The following GAA variants were observed in gnomAD, a reference collection of about 807,000 sequenced individuals.
The protein encoded by GAA is lysosomal alpha-glucosidase.
GAA carries 88 observed loss-of-function variants against 103.9 expected under a neutral mutation model. The ratio of observed to expected loss-of-function variants is 0.85; its 90% CI spans 0.71 to 1.01. The LOEUF is 1.01. Among genes scored for constraint, GAA ranks in the 50% least tolerant of loss-of-function variants. The pLI is 0.00. For synonymous variants in GAA, 572 were observed against 563.1 expected, an observed-to-expected ratio of 1.02 and a Z score of -0.22; for missense variants, 1,350 against 1,305.3, an observed-to-expected ratio of 1.03 and a Z score of -0.53.
chr17:80,102,040 A>G (rs1164501725), intron 1 of GAA, 150 bp downstream of exon 1: 2 of 152,438 alleles, frequency 1.3e-5, no homozygotes, highest in African/African-American at 2.4e-5. Flanking sequence ...AGTTCAGCTT[A>G]GAGATGAACG....
Position 80,117,701 on chromosome 17 carries a change from G to A in GAA, c.2433G>A (p.Leu811=). Residue 811 remains leucine (L), a synonymous_variant, in exon 17 of 20, where the codon CTG becomes CTA. Coordinates refer to ENST00000302262, the MANE Select transcript of GAA (RefSeq NM_000152.5). ...AGTGGGTGACGCTGCCGGCCCCCCT[G>A]GACACCATCAACGTCCACCTCCGGG... The part of the protein sequence containing the change: ...EGQWVTLPAP[L]DTINVHLRAG... The A allele has an allele frequency of 1.2e-6, 2 of 1,612,342 alleles. No individual in the cohort carries two copies. The highest frequency in any genetic ancestry group is 1.7e-6 in the Non-Finnish European group (2 of 1,179,882).
chr17:80,112,277 T>A, intron 12 of GAA, 177 bp downstream of exon 12: 1 of 691,708 alleles, frequency 1.4e-6, no homozygotes, highest in Non-Finnish European at 2.5e-6. Flanking sequence ...GCTGGAGCGC[T>A]CCTTCCCACT....
chr17:80,115,466 T>C (rs745431591), intron 15 of GAA, among the ~76,000 whole-genome samples: 1 of 152,236 alleles, frequency 6.6e-6, no homozygotes, highest in Non-Finnish European at 1.5e-5. Flanking sequence ...TGGTGAGTCA[T>C]GTTCTCACAC....
At chr17:80,109,743 C>T (rs376520409) in intron 8 of GAA, among the ~76,000 whole-genome samples, 1 of 152,242 alleles carries the variant, frequency 6.6e-6, no homozygotes, top group Non-Finnish European at 1.5e-5. Flanking sequence ...GCGCGCCCCT[C>T]ATCAGCCAGC....
Position 80,104,470 on chromosome 17 carries a change from C to T in GAA, c.-32-85C>T, listed in dbSNP as rs185738827. 29 of 1,000,162 alleles carry T rather than the reference C, an allele frequency of 2.9e-5. No homozygotes were observed. Among genetic ancestry groups the T allele is most frequent in the African/African-American group, 1.6e-4 (10 of 61,900 alleles). The allele number at this position is 1,000,162 out of a possible 1,614,324, so 62.0% of individuals were successfully genotyped here. Reference sequence around the variant, plus strand: ...TGCCTGGGTGCTGCAGTGCCAGCCGCGGTTGATGTCTCAGAGCTGCTTTGA... The same window carrying T: ...TGCCTGGGTGCTGCAGTGCCAGCCGTGGTTGATGTCTCAGAGCTGCTTTGA... On this transcript the variant is annotated intron_variant, in intron 1 of 19. Transcript: ENST00000302262. The surrounding 1 kb of genome is among the most constrained non-coding windows in gnomAD (Gnocchi z 4.0).
Position 80,112,097 on chromosome 17 carries a change from A to C in GAA, c.1751A>C (p.His584Pro), listed in dbSNP as rs1348064281. The C allele has an allele frequency of 6.2e-7, 1 of 1,612,882 alleles. No individual in the cohort carries two copies. Among genetic ancestry groups the C allele is most frequent in the South Asian group, 1.1e-5 (1 of 91,052 alleles). The change falls in exon 12 of 20, where the codon CAC becomes CCC. Residue 584 changes from histidine to proline, a missense_variant. By Grantham distance (77) the His-to-Pro change is moderately conservative. Coordinates refer to ENST00000302262, the MANE Select transcript of GAA (RefSeq NM_000152.5). ...LYGLTEAIAS[H>P]RALVKARGTR... ...GGCCTGACCGAAGCCATCGCCTCCC[A>C]CAGGTGAGGGCCACGTCCCGCCCCA...
rs2039095707 is a variant in GAA, at chr17:80,106,631, T to C, written c.692+737T>C. 2.6e-5 allele frequency among the ~76,000 whole-genome samples: 4 copies of C among 152,182 alleles called. No individual in the cohort carries two copies. In the South Asian group the frequency reaches 8.3e-4, roughly 31 times the overall value. ...CCAAGAGAAGTTTCTCAAAGCATCT[T>C]ATCAAGCTAGGTATGGTGGTTCATG... On this transcript the variant is annotated intron_variant, in intron 3 of 19. Coordinates refer to ENST00000302262, the MANE Select transcript of GAA (RefSeq NM_000152.5).
chr17:80,110,892 C>T (rs1312905149), intron 10 of GAA, 49 bp from the exon 11 acceptor site: 1 of 1,613,040 alleles, frequency 6.2e-7, no homozygotes, highest in South Asian at 1.1e-5. Flanking sequence ...GACTACCCCA[C>T]CCTCCTCACT....
At chr17:80,118,461 A>G (rs1261615176) in intron 18 of GAA, 104 bp downstream of exon 18, 5 of 1,462,388 alleles carry the variant, frequency 3.4e-6, no homozygotes, top group Non-Finnish European at 4.7e-6. Flanking sequence ...ACCTGCCACT[A>G]GGACACTCTA....
rs187532717 is a variant in GAA at position 80,119,395 on chromosome 17, G to T, written c.*64G>T. Reference sequence around the variant, plus strand: ...TTCCCCAGGGAAGCAGAGCCTGTGTGCGGGCAGCAGCTGTGTGCGGGCCTG... The same window carrying T: ...TTCCCCAGGGAAGCAGAGCCTGTGTTCGGGCAGCAGCTGTGTGCGGGCCTG... On this transcript the variant is annotated 3_prime_UTR_variant, in exon 20 of 20. Coordinates refer to ENST00000302262, the MANE Select transcript of GAA (RefSeq NM_000152.5). 4.9e-4 allele frequency: 680 copies of T among 1,399,236 alleles called. 1 individual carries two copies. The highest frequency in any genetic ancestry group is 6.3e-4 in the Non-Finnish European group (621 of 985,018). The allele number at this position is 1,399,236 out of a possible 1,614,324, so 86.7% of individuals were successfully genotyped here. A position where few individuals can be genotyped will look rare whatever the true frequency, so the allele number is the denominator to read the frequency against.
intron 15 of GAA, among the ~76,000 whole-genome samples, chr17:80,113,608 G>A (rs1214000462): frequency 3.9e-5 from 6 of 152,252 alleles, no homozygotes; most frequent in Non-Finnish European, 7.3e-5. Flanking sequence ...TCAGTGTGTT[G>A]AGGGAGGATT....
chr17:80,112,653 C>A lies in GAA; in HGVS notation c.1830C>A (p.Ala610=). Residue 610 remains alanine, a synonymous_variant, in exon 13 of 20, where the codon GCC becomes GCA. Transcript: ENST00000302262. The part of the protein sequence containing the change: ...RSTFAGHGRY[A]GHWTGDVWSS... ...CCTTTGCTGGCCACGGCCGATACGCCGGCCACTGGACGGGGGACGTGTGGA... is the reference window on the plus strand; with the variant it reads ...CCTTTGCTGGCCACGGCCGATACGCAGGCCACTGGACGGGGGACGTGTGGA... The A allele has an allele frequency of 6.2e-7, 1 of 1,612,782 alleles. No homozygotes were observed. The highest frequency in any genetic ancestry group is 8.5e-7 in the Non-Finnish European group (1 of 1,179,892).
In GAA at chr17:80,107,567, A is replaced by ACGG; in HGVS notation, c.704_706dup (p.Thr235_Val236insAla). On this transcript the variant is annotated inframe_insertion, in exon 4 of 20. Transcript: ENST00000302262. Reference sequence around the variant, plus strand: ...GCCTCTGTCCCGCAGGCTGAACACGACGGTGGCGCCCCTGTTCTTTGCGGA... The same window carrying ACGG: ...GCCTCTGTCCCGCAGGCTGAACACGACGGCGGTGGCGCCCCTGTTCTTTGCGGA... The ACGG allele has an allele frequency of 6.2e-7, 1 of 1,612,982 alleles. No individual in the cohort carries two copies. Among genetic ancestry groups the ACGG allele is most frequent in the Admixed American group, 1.7e-5 (1 of 60,012 alleles).
At position 80,117,532 on chromosome 17, in the gene GAA, G is replaced by A. The variant is rs563429665; in HGVS notation, c.2332-68G>A. On this transcript the variant is annotated intron_variant, in intron 16 of 19. Coordinates refer to ENST00000302262, the MANE Select transcript of GAA (RefSeq NM_000152.5). ...CGTGGAGCCCCGGGAGATGGAGAGC[G>A]TGGTTCCTGAGGACAGCATGGGGGC... 1.5e-5 allele frequency: 23 copies of A among 1,575,552 alleles called. No individual in the cohort carries two copies. The Middle Eastern group carries it at 5.0e-4, about 34-fold the overall frequency.
At position 80,118,185 on chromosome 17, in the gene GAA, C is replaced by T. The variant is rs1407022252; in HGVS notation, c.2482-8C>T. The stretch of plus-strand genomic sequence containing the variant: ...GGATGATGACATCACGTGTCCTTCC[C>T]TTTCCAGGGCCCTGGCCTCACAACC... On this transcript the variant is annotated splice_region_variant and splice_polypyrimidine_tract_variant and intron_variant, in intron 17 of 19. Transcript: ENST00000302262. The T allele has an allele frequency of 1.2e-6, 2 of 1,612,866 alleles. No individual in the cohort carries two copies. Among genetic ancestry groups the T allele is most frequent in the East Asian group, 2.2e-5 (1 of 44,870 alleles).
chr17:80,111,142 C>G (rs12945868), intron 11 of GAA, 117 bp downstream of exon 11: 53 of 130,938 alleles, frequency 4.0e-4, no homozygotes, highest in Non-Finnish European at 6.1e-4. Flanking sequence ...GGGAAAGGGG[C>G]GGGGGGGGGA....
In GAA at chr17:80,111,101, C is replaced by T. The variant is rs1414869170; in HGVS notation, c.1636+76C>T. 7.9e-6 allele frequency: 11 copies of T among 1,388,652 alleles called. No homozygotes were observed. The African/African-American group carries it at 1.3e-4, about 16-fold the overall frequency. 86.0% of individuals were successfully genotyped at this position (1,388,652 alleles called of 1,614,324 possible). On this transcript the variant is annotated intron_variant, in intron 11 of 19. Transcript: ENST00000302262. ...CTTGTCTGGCCTGGGAGACTTAGCA[C>T]CCTCATCTCTGAGAAGCAGATGGGC...
rs1379543693 is a variant in GAA at position 80,119,499 on chromosome 17, G to C, written c.*168G>C. 1 of 680,212 alleles carries C rather than the reference G, an allele frequency of 1.5e-6. No homozygotes were observed. Among genetic ancestry groups the C allele is most frequent in the Non-Finnish European group, 2.7e-6 (1 of 374,862 alleles). 42.1% of individuals were successfully genotyped at this position (680,212 alleles called of 1,614,324 possible). On this transcript the variant is annotated 3_prime_UTR_variant, in exon 20 of 20. Coordinates refer to ENST00000302262, the MANE Select transcript of GAA (RefSeq NM_000152.5). ...CGCTTGTTTCCACCTCCTGGGCCGG[G>C]GCTCTGGCCCCCAACGTGTCTAGGA...
At position 80,117,620 on chromosome 17, in the gene GAA, CA is replaced by C; in HGVS notation, c.2353del (p.Ser785AlafsTer21). 1.2e-6 allele frequency: 2 copies of C among 1,612,870 alleles called. No individual in the cohort carries two copies. Among genetic ancestry groups the C allele is most frequent in the Non-Finnish European group, 1.7e-6 (2 of 1,179,956 alleles). ...LQTVPVEALG[S>X]LPPPPAAPRE... ...TCCAGGTGCCAGTAGAGGCCCTTGG[CA>C]GCCTCCCACCCCCACCTGCAGCTCC... On this transcript the variant is annotated frameshift_variant, in exon 17 of 20. Coordinates refer to ENST00000302262, the MANE Select transcript of GAA (RefSeq NM_000152.5). LOFTEE classifies it high-confidence loss of function.
Sources: allele counts gnomAD v4.1 joint callset (sites outside exome capture counted in the v4.1 genomes callset), GRCh38; gene constraint gnomAD v4.1.1; non-coding constraint Gnocchi (gnomAD v3.1); transcripts MANE v1.5; gene names NCBI Gene and HGNC (gene_info 2026-07-23, HGNC 2026-07-21).